ABCC11: variants seen among roughly 807,000 people sequenced by gnomAD.
ABCC11 encodes the protein ATP binding cassette subfamily C member 11.
Under a neutral mutation model 149.3 loss-of-function variants are expected in ABCC11, and 135 were observed. The observed-to-expected ratio is 0.90, with a 90% CI of 0.79 to 1.04. ABCC11 has a LOEUF of 1.04. Ranked by LOEUF, ABCC11 falls within the 50% of genes least tolerant of loss-of-function variation. The pLI is 0.00. For synonymous variants in ABCC11, 665 were observed against 671.4 expected, an observed-to-expected ratio of 0.99 and a Z score of 0.15; for missense variants, 1,680 against 1,722.1, an observed-to-expected ratio of 0.98 and a Z score of 0.43.
intron 11 of ABCC11, among the ~76,000 whole-genome samples, chr16:48,208,771 T>C (rs766946624): frequency 6.6e-6 from 1 of 152,142 alleles, no homozygotes; most frequent in Non-Finnish European, 1.5e-5. Context: ...CAGATTTGTG[T>C]CTATTCTATG....
chr16:48,206,303 G>T (rs1968445049), intron 12 of ABCC11, among the ~76,000 whole-genome samples: 1 of 152,198 alleles, frequency 6.6e-6, no homozygotes, highest in Non-Finnish European at 1.5e-5. Context: ...AATGGAAAGT[G>T]TTATAACCTC....
intron 27 of ABCC11, 69 bp downstream of exon 27, chr16:48,170,820 G>T: frequency 7.1e-7 from 1 of 1,405,624 alleles, no homozygotes; most frequent in Non-Finnish European, 1.0e-6. Flanking sequence ...CATGAGAGGA[G>T]CCCCAAAGGG....
chr16:48,225,140 A>G (rs1162485056), intron 4 of ABCC11, among the ~76,000 whole-genome samples: 3 of 151,270 alleles, frequency 2.0e-5, no homozygotes, highest in Admixed American at 2.0e-4. Flanking sequence ...TGAACCCGGG[A>G]GGTGAGTTGA....
At chr16:48,218,739 C>T (rs1429838727) in intron 6 of ABCC11, among the ~76,000 whole-genome samples, 1 of 152,170 alleles carries the variant, frequency 6.6e-6, no homozygotes, top group Non-Finnish European at 1.5e-5. Context: ...CTCTCAGTCT[C>T]CCTTGTCTGC....
intron 25 of ABCC11, 53 bp from the exon 26 acceptor site, chr16:48,175,470 A>C: frequency 6.4e-7 from 1 of 1,565,136 alleles, no homozygotes; most frequent in Non-Finnish European, 8.7e-7. Flanking sequence ...GCACTAGCGG[A>C]AGCACAGATC....
chr16:48,180,813 G>A (rs1319634761), intron 23 of ABCC11, among the ~76,000 whole-genome samples: 1 of 152,228 alleles, frequency 6.6e-6, no homozygotes, highest in Non-Finnish European at 1.5e-5. Flanking sequence ...TTACTCTGGT[G>A]AGAGTGTGGA....
chr16:48,214,145 C>T (rs1344011853), intron 9 of ABCC11, among the ~76,000 whole-genome samples: 1 of 152,118 alleles, frequency 6.6e-6, no homozygotes, highest in African/African-American at 2.4e-5. Context: ...CTCCTGGCTT[C>T]ATCCAAAAAT....
chr16:48,237,562 C>T (rs1415355231), intron 1 of ABCC11, among the ~76,000 whole-genome samples: 1 of 152,190 alleles, frequency 6.6e-6, no homozygotes, highest in Non-Finnish European at 1.5e-5. Flanking sequence ...TTCCATTCTC[C>T]ACATAGCAGT....
intron 17 of ABCC11, among the ~76,000 whole-genome samples, chr16:48,196,551 G>A (rs1385945628): frequency 9.2e-5 from 14 of 152,172 alleles, no homozygotes; most frequent in South Asian, 4.1e-4. Flanking sequence ...GAGGGACTGC[G>A]GGGTCTCACG....
At chr16:48,199,672 A>ATTTTTTTT (rs71134549) in intron 15 of ABCC11, among the ~76,000 whole-genome samples, 1 of 58,234 alleles carries the variant, frequency 1.7e-5, no homozygotes, top group African/African-American at 6.5e-5. Flanking sequence ...TTTTTTATTG[A>ATTTTTTTT]TTTTTTTTTT....
At chr16:48,174,685 T>C (rs1393894731) in intron 26 of ABCC11, among the ~76,000 whole-genome samples, 1 of 151,020 alleles carries the variant, frequency 6.6e-6, no homozygotes, top group Non-Finnish European at 1.5e-5. Flanking sequence ...CCCAGGGGCT[T>C]TGCCCAGTGC....
At chr16:48,193,111 G>C (rs566211240) in intron 19 of ABCC11, among the ~76,000 whole-genome samples, 8 of 152,358 alleles carry the variant, frequency 5.3e-5, no homozygotes, top group African/African-American at 1.7e-4. Context: ...CTGTGGGCAG[G>C]AGCATGGGGT....
rs538491450 is a variant in ABCC11 at position 48,208,442 on chromosome 16, A to G, written c.1663T>C (p.Ser555Pro). 6.2e-7 allele frequency: 1 copy of G among 1,614,170 alleles called. No individual in the cohort carries two copies. Among genetic ancestry groups the G allele is most frequent in the Admixed American group, 1.7e-5 (1 of 60,020 alleles). ...TCACTTACCTCCTCCAGGATGGCTG[A>G]CAACAGGCTGCTCTTACCACTCCCC... ...NTGSGKSSLL[S>P]AILEEMHLLE... Residue 555 changes from serine (S) to proline (P), a missense_variant, in exon 12 of 30, where the codon TCA becomes CCA. Transcript: ENST00000356608.
At chr16:48,186,435 G>A (rs373155573) in intron 22 of ABCC11, among the ~76,000 whole-genome samples, 28 of 152,264 alleles carry the variant, frequency 1.8e-4, no homozygotes, top group East Asian at 1.2e-3. Flanking sequence ...GGTGAAGACC[G>A]TGCTTGATTA....
At chr16:48,172,279 G>A (rs1262641295) in intron 26 of ABCC11, among the ~76,000 whole-genome samples, 4 of 152,022 alleles carry the variant, frequency 2.6e-5, no homozygotes, top group Admixed American at 6.6e-5. Context: ...GTTTATAGAC[G>A]TATGACTTGT....
intron 19 of ABCC11, among the ~76,000 whole-genome samples, chr16:48,193,147 G>A (rs921843991): frequency 2.6e-5 from 4 of 152,184 alleles, no homozygotes; most frequent in Non-Finnish European, 5.9e-5. Context: ...AGGCTGGAAG[G>A]CATCCTGGGA....
chr16:48,220,343 A>T (rs1969651920), intron 6 of ABCC11, among the ~76,000 whole-genome samples: 1 of 152,212 alleles, frequency 6.6e-6, no homozygotes, highest in Admixed American at 6.5e-5. Context: ...GACAATGGGG[A>T]CAATAACAGA....
At chr16:48,241,290 G>A (rs149055362) in intron 1 of ABCC11, among the ~76,000 whole-genome samples, 4 of 152,180 alleles carry the variant, frequency 2.6e-5, no homozygotes, top group Admixed American at 1.3e-4. Context: ...TGATCTAATC[G>A]TGAGAAACAG....
intron 23 of ABCC11, among the ~76,000 whole-genome samples, chr16:48,180,046 T>A (rs183076995): frequency 1.3e-5 from 2 of 152,318 alleles, no homozygotes; most frequent in African/African-American, 4.8e-5. Flanking sequence ...CTCCCATCCC[T>A]CAGTGTATCA....
Sources: gnomAD v4.1 joint callset for allele counts (sites outside exome capture counted in the v4.1 genomes callset) on GRCh38, gnomAD v4.1.1 for gene constraint, MANE v1.5 for transcripts, NCBI Gene and HGNC (gene_info 2026-07-23, HGNC 2026-07-21) for gene names.